SRP72: variants seen among roughly 807,000 people sequenced by gnomAD.
SRP72 encodes the protein signal recognition particle subunit SRP72.
SRP72 carries 49 observed loss-of-function variants against 96.3 expected under a neutral mutation model. The observed-to-expected ratio is 0.51, with a 90% confidence interval of 0.40 to 0.65. The LOEUF is 0.65. Among genes scored for constraint, SRP72 ranks in the 30% least tolerant of loss-of-function variants. The pLI, the probability that SRP72 is intolerant of heterozygous loss-of-function variation, is 0.00. For synonymous variants in SRP72, 267 were observed against 275.2 expected, an observed-to-expected ratio of 0.97 and a Z score of 0.30; for missense variants, 736 against 793.3, an observed-to-expected ratio of 0.93 and a Z score of 0.87.
intron 16 of SRP72, among the ~76,000 whole-genome samples, chr4:56,493,080 C>T (rs1373539567): frequency 6.6e-6 from 1 of 152,068 alleles, no homozygotes; most frequent in African/African-American, 2.4e-5. Flanking sequence ...CTCTGTTGCC[C>T]AGGCTGGAGT....
In SRP72 at chr4:56,491,459, A is replaced by G. The variant is rs764251568; in HGVS notation, c.1531A>G (p.Ser511Gly). Reference sequence around the variant, plus strand: ...TAGTAAACACTTGCCATCGTCAGATAGTATGTCTCTAAAAGTAGATGTTGA... The same window carrying G: ...TAGTAAACACTTGCCATCGTCAGATGGTATGTCTCTAAAAGTAGATGTTGA... The part of the protein sequence containing the change: ...ALSKHLPSSD[S>G]MSLKVDVEAL... The change falls in exon 16 of 19, where the codon AGT (serine) becomes GGT (glycine). Residue 511 changes from serine (S) to glycine (G), a missense_variant. Ser to Gly is a moderately conservative substitution (Grantham distance 56). Transcript: ENST00000642900. The G allele has an allele frequency of 4.3e-6, 7 of 1,613,938 alleles. No individual in the cohort carries two copies. The South Asian group carries it at 4.4e-5, about 10-fold the overall frequency.
At chr4:56,475,325 A>G (rs1451859967) in intron 5 of SRP72, among the ~76,000 whole-genome samples, 1 of 152,086 alleles carries the variant, frequency 6.6e-6, no homozygotes, top group East Asian at 1.9e-4. Flanking sequence ...TGGGAGGCCA[A>G]GGCAGGAGGA....
At chr4:56,493,662 C>T (rs574294323) in intron 16 of SRP72, among the ~76,000 whole-genome samples, 3 of 152,002 alleles carry the variant, frequency 2.0e-5, no homozygotes, top group African/African-American at 7.2e-5. Flanking sequence ...GTCAGGAGTT[C>T]GAAACCAGCC....
Position 56,483,274 on chromosome 4 carries a change from G to A in SRP72, c.957+4G>A. ...ACTTGCTATGTACACAAACCAGGTG[G>A]GTAATTACCTTTGGTGTCATGGCTA... On this transcript the variant is annotated splice_donor_region_variant and intron_variant, in intron 9 of 18. Coordinates refer to ENST00000642900, the MANE Select transcript of SRP72 (RefSeq NM_006947.4). The A allele has an allele frequency of 1.2e-6, 2 of 1,611,844 alleles. No homozygotes were observed. Among genetic ancestry groups the A allele is most frequent in the South Asian group, 1.1e-5 (1 of 90,712 alleles).
At chr4:56,492,205 G>A (rs942980216) in intron 16 of SRP72, among the ~76,000 whole-genome samples, 7 of 152,108 alleles carry the variant, frequency 4.6e-5, no homozygotes, top group Non-Finnish European at 8.8e-5. Flanking sequence ...ATCTTTCCAC[G>A]TACTAAAATG....
At chr4:56,482,112 A>G (rs892216771) in intron 8 of SRP72, among the ~76,000 whole-genome samples, 1 of 149,274 alleles carries the variant, frequency 6.7e-6, no homozygotes, top group Non-Finnish European at 1.5e-5. Context: ...ATATCTCTGT[A>G]TCAGTATTTT....
At chr4:56,476,396 A>G in intron 5 of SRP72, 2 of 431,476 alleles carry the variant, frequency 4.6e-6, no homozygotes, top group East Asian at 8.7e-5. Flanking sequence ...ATTTTTCGCA[A>G]TTAATATTTA....
intron 8 of SRP72, 83 bp downstream of exon 8, chr4:56,478,732 T>C (rs1392558882): frequency 2.9e-6 from 4 of 1,380,814 alleles, no homozygotes; most frequent in Non-Finnish European, 4.0e-6. Flanking sequence ...TAGGATAGCC[T>C]AAGTGTTCTT....
At chr4:56,470,107 T>C (rs1237045590) in intron 2 of SRP72, among the ~76,000 whole-genome samples, 1 of 152,074 alleles carries the variant, frequency 6.6e-6, no homozygotes, top group Admixed American at 6.6e-5. Context: ...TTTACTGTTA[T>C]ACCTAGGCTC....
intron 2 of SRP72, among the ~76,000 whole-genome samples, chr4:56,471,472 TTTCAAAAGGCC>T (rs1560674153): frequency 2.0e-5 from 3 of 152,240 alleles, no homozygotes; most frequent in African/African-American, 7.2e-5. Context: ...TAAATGTTTA[TTTCAAAAGGCC>T]AATAATTTTA....
intron 16 of SRP72, among the ~76,000 whole-genome samples, chr4:56,492,890 C>T (rs769819717): frequency 3.5e-4 from 53 of 152,058 alleles, no homozygotes; most frequent in Non-Finnish European, 2.1e-4. Flanking sequence ...GAGGCTGAGG[C>T]GGGATGATTG....
intron 13 of SRP72, among the ~76,000 whole-genome samples, chr4:56,490,034 C>G (rs1341925075): frequency 1.3e-5 from 2 of 151,666 alleles, no homozygotes; most frequent in Non-Finnish European, 2.9e-5. Flanking sequence ...TGTTTGAGAA[C>G]TATGGTGGCA....
At chr4:56,474,444 G>C in intron 5 of SRP72, 53 bp downstream of exon 5, 1 of 1,455,076 alleles carries the variant, frequency 6.9e-7, no homozygotes, top group Non-Finnish European at 9.4e-7. Flanking sequence ...TAACTTTGTA[G>C]AGTATCTTCT....
Position 56,503,074 on chromosome 4 carries a change from GC to G in SRP72, c.*1214del, listed in dbSNP as rs1721322480. On this transcript the variant is annotated 3_prime_UTR_variant, in exon 19 of 19. Transcript: ENST00000642900. ...ATTACTCTGTCCTTGTTAATAAAGTGCTGCTGTGTTTGACTCTGAACATACT... is the reference window on the plus strand; with the variant it reads ...ATTACTCTGTCCTTGTTAATAAAGTGTGCTGTGTTTGACTCTGAACATACT... 6.6e-6 allele frequency: 1 copy of G among 152,128 alleles called. No individual in the cohort carries two copies. Among genetic ancestry groups the G allele is most frequent in the Admixed American group, 6.6e-5 (1 of 15,264 alleles). The allele number at this position is 152,128 out of a possible 1,614,324, so 9.4% of individuals were successfully genotyped here.
intron 17 of SRP72, among the ~76,000 whole-genome samples, chr4:56,499,211 C>G (rs1560690316): frequency 6.6e-6 from 1 of 152,128 alleles, no homozygotes; most frequent in Non-Finnish European, 1.5e-5. Flanking sequence ...TTCCTTACAC[C>G]TTATACAAAA....
rs1386201900 is a variant in SRP72, at chr4:56,495,413, C to A, written c.1678+19C>A. ...AAGAAGGGTAAGGCATTAAAAAAGTCTTTATAAATTTTCTCCAAAATAAAT... is the reference window on the plus strand; with the variant it reads ...AAGAAGGGTAAGGCATTAAAAAAGTATTTATAAATTTTCTCCAAAATAAAT... On this transcript the variant is annotated intron_variant, in intron 17 of 18. Coordinates refer to ENST00000642900, the MANE Select transcript of SRP72 (RefSeq NM_006947.4). The A allele has an allele frequency of 6.9e-7, 1 of 1,455,828 alleles. No homozygotes were observed. The highest frequency in any genetic ancestry group is 2.3e-5 in the East Asian group (1 of 42,576). 90.2% of individuals were successfully genotyped at this position (1,455,828 alleles called of 1,614,324 possible).
chr4:56,483,344 C>T (rs1049867886), intron 9 of SRP72, 74 bp downstream of exon 9: 2 of 1,401,374 alleles, frequency 1.4e-6, no homozygotes, highest in Non-Finnish European at 1.9e-6. Context: ...GGATATTAGT[C>T]TAATCTTTTT....
chr4:56,487,710 AC>A (rs1720766176), intron 11 of SRP72, among the ~76,000 whole-genome samples: 1 of 152,136 alleles, frequency 6.6e-6, no homozygotes, highest in South Asian at 2.1e-4. Context: ...TCTGCCATTA[AC>A]TTTCTTTGTG....
chr4:56,474,205 T>C lies in SRP72; in HGVS notation c.498+8T>C, dbSNP rs768252482. Reference sequence around the variant, plus strand: ...TGGGAAAAAGTGGTTCCAGTGAGTATCCTTGTGGTGTACCCATACAGTCAT... The same window carrying C: ...TGGGAAAAAGTGGTTCCAGTGAGTACCCTTGTGGTGTACCCATACAGTCAT... On this transcript the variant is annotated splice_region_variant and intron_variant, in intron 4 of 18. Coordinates refer to ENST00000642900, the MANE Select transcript of SRP72 (RefSeq NM_006947.4). 134 of 1,614,038 alleles carry C rather than the reference T, an allele frequency of 8.3e-5. No individual in the cohort carries two copies. The highest frequency in any genetic ancestry group is 1.1e-4 in the Non-Finnish European group (125 of 1,180,024).
Sources: allele counts gnomAD v4.1 joint callset (sites outside exome capture counted in the v4.1 genomes callset), GRCh38; gene constraint gnomAD v4.1.1; transcripts MANE v1.5; gene names NCBI Gene and HGNC (gene_info 2026-07-23, HGNC 2026-07-21).